The following PDE4D variants were observed in gnomAD, a reference collection of about 807,000 sequenced individuals.
PDE4D encodes the protein phosphodiesterase 4D.
Under a neutral mutation model 87.4 loss-of-function variants are expected in PDE4D, and 24 were observed. That is an observed-to-expected ratio of 0.27 (90% CI 0.20 to 0.39). PDE4D has a LOEUF of 0.39. PDE4D is among the 10% of genes least tolerant of loss of function. The pLI, the probability that PDE4D is intolerant of heterozygous loss-of-function variation, is 1.00. For missense variants in PDE4D, 714 were observed against 1,041.0 expected (o/e 0.69, Z 4.32); for synonymous variants, 384 against 383.2 (o/e 1.00, Z -0.02).
At chr5:59,796,763 A>G (rs1766528673) in intron 1 of PDE4D, among the ~76,000 whole-genome samples, 2 of 152,052 alleles carry the variant, frequency 1.3e-5, no homozygotes, top group Admixed American at 1.3e-4. Flanking sequence ...ATTCAGCAGT[A>G]TTTCTTTCAT....
At chr5:59,867,262 C>T (rs1379114927) in intron 1 of PDE4D, among the ~76,000 whole-genome samples, 2 of 151,754 alleles carry the variant, frequency 1.3e-5, no homozygotes, top group African/African-American at 4.8e-5. Flanking sequence ...TTCAAAGATA[C>T]TTTGTATGAA....
intron 1 of PDE4D, among the ~76,000 whole-genome samples, chr5:59,700,315 T>C (rs937147198): frequency 6.6e-6 from 1 of 152,208 alleles, no homozygotes; most frequent in Non-Finnish European, 1.5e-5. Context: ...AACCCAACTT[T>C]GGCCTATCAT....
chr5:59,985,371 C>T (rs780821418), intron 3 of PDE4D, among the ~76,000 whole-genome samples: 12 of 151,648 alleles, frequency 7.9e-5, no homozygotes, highest in Non-Finnish European at 1.6e-4. Context: ...TTGATCTCCT[C>T]ACCTTGTGAT....
chr5:59,204,386 G>T (rs964906878), intron 2 of PDE4D, among the ~76,000 whole-genome samples: 4 of 152,126 alleles, frequency 2.6e-5, no homozygotes, highest in Non-Finnish European at 4.4e-5. Context: ...ACTCATTAGA[G>T]AAAATACATG....
At chr5:59,753,439 G>A (rs1760777762) in intron 1 of PDE4D, among the ~76,000 whole-genome samples, 1 of 152,178 alleles carries the variant, frequency 6.6e-6, no homozygotes, top group Non-Finnish European at 1.5e-5. Context: ...GGCACAGTAA[G>A]CTTGGTTTTG....
At chr5:59,275,749 CT>C (rs1764679151) in intron 1 of PDE4D, 2 of 1,013,062 alleles carry the variant, frequency 2.0e-6, no homozygotes, top group South Asian at 4.5e-5. Flanking sequence ...CACTTGATCT[CT>C]TTTTTGCAAT....
At chr5:60,140,821 G>T (rs1780460903) in intron 2 of PDE4D, among the ~76,000 whole-genome samples, 1 of 152,120 alleles carries the variant, frequency 6.6e-6, no homozygotes, top group Non-Finnish European at 1.5e-5. Context: ...GCAAATTAAG[G>T]CTGAATTTCG....
At chr5:59,730,554 A>C (rs1051004456) in intron 1 of PDE4D, among the ~76,000 whole-genome samples, 8 of 152,176 alleles carry the variant, frequency 5.3e-5, no homozygotes, top group African/African-American at 1.7e-4. Flanking sequence ...TTCATTTAAC[A>C]AGCTATTTCA....
chr5:59,097,653 G>A (rs958827290), intron 5 of PDE4D, among the ~76,000 whole-genome samples: 3 of 152,176 alleles, frequency 2.0e-5, no homozygotes, highest in African/African-American at 4.8e-5. Flanking sequence ...GCATGCACAA[G>A]AAGCAAACTT....
chr5:59,386,961 CTTAAAA>C (rs1787196070), intron 1 of PDE4D, among the ~76,000 whole-genome samples: 1 of 152,120 alleles, frequency 6.6e-6, no homozygotes, highest in Non-Finnish European at 1.5e-5. Context: ...TGCCTGCTTA[CTTAAAA>C]TTAATCATAA....
chr5:60,447,904 C>T (rs1745778978), intron 1 of PDE4D, among the ~76,000 whole-genome samples: 1 of 152,064 alleles, frequency 6.6e-6, no homozygotes, highest in South Asian at 2.1e-4. Flanking sequence ...ATCTTACTGG[C>T]CACAGTTCTT....
chr5:59,341,808 T>C (rs1778783672), intron 1 of PDE4D, among the ~76,000 whole-genome samples: 1 of 152,200 alleles, frequency 6.6e-6, no homozygotes, highest in Non-Finnish European at 1.5e-5. Flanking sequence ...CATAAATTAA[T>C]TTTTCTATTC....
At chr5:59,431,615 A>G (rs1417069885) in intron 1 of PDE4D, among the ~76,000 whole-genome samples, 2 of 152,080 alleles carry the variant, frequency 1.3e-5, no homozygotes, top group African/African-American at 4.8e-5. Flanking sequence ...GAAAGAGTAG[A>G]TAATTTTCCT....
rs528401620 is a variant in PDE4D, at chr5:59,839,495, T to C, written c.455+53673A>G. On this transcript the variant is annotated intron_variant, in intron 1 of 14. Coordinates refer to ENST00000340635, the MANE Select transcript of PDE4D (RefSeq NM_001104631.2). ...TTTTTTCCTTACCATTCAATTTTGC[T>C]TTTGGAGGAAAGCTCTCAAGAAAGA... Among the ~76,000 whole-genome samples, 4 of 152,146 alleles carry C rather than the reference T, an allele frequency of 2.6e-5. No individual in the cohort carries two copies. The East Asian group carries it at 7.8e-4, about 30-fold the overall frequency.
At chr5:59,452,522 C>T (rs180959841) in intron 1 of PDE4D, among the ~76,000 whole-genome samples, 37 of 152,246 alleles carry the variant, frequency 2.4e-4, no homozygotes, top group South Asian at 4.2e-4. Flanking sequence ...ATTAGGGTCA[C>T]CTAGCTAAGG....
chr5:59,483,638 A>C (rs1804628851), intron 1 of PDE4D, among the ~76,000 whole-genome samples: 1 of 152,132 alleles, frequency 6.6e-6, no homozygotes, highest in African/African-American at 2.4e-5. Context: ...GGCTCATTGC[A>C]ACCAGGGACT....
At chr5:59,038,713 A>C in intron 6 of PDE4D, 146 bp downstream of exon 6, 2 of 700,590 alleles carry the variant, frequency 2.9e-6, no homozygotes, top group Non-Finnish European at 4.3e-6. Flanking sequence ...AGGAAACAGG[A>C]ACCTCCCTCT....
chr5:59,452,483 G>A (rs866286867), intron 1 of PDE4D, among the ~76,000 whole-genome samples: 1 of 152,182 alleles, frequency 6.6e-6, no homozygotes, highest in Admixed American at 6.5e-5. Context: ...CTGGACTAGA[G>A]CTAAAAAGGA....
chr5:59,408,124 A>G (rs1246989760), intron 1 of PDE4D, among the ~76,000 whole-genome samples: 1 of 152,226 alleles, frequency 6.6e-6, no homozygotes. Flanking sequence ...TCTTCTAGGC[A>G]GCTCCTCCCA....
Sources: allele counts gnomAD v4.1 joint callset (sites outside exome capture counted in the v4.1 genomes callset), GRCh38; gene constraint gnomAD v4.1.1; transcripts MANE v1.5; gene names NCBI Gene and HGNC (gene_info 2026-07-23, HGNC 2026-07-21).